Variants in NFIL3 observed in about 807,000 individuals in gnomAD.
NFIL3 encodes nuclear factor interleukin-3-regulated protein.
Under a neutral mutation model 10.0 loss-of-function variants are expected in NFIL3, and 5 were observed. The ratio of observed to expected loss-of-function variants is 0.50; its 90% confidence interval spans 0.26 to 1.06. The LOEUF (loss-of-function observed/expected upper bound fraction) is 1.06. NFIL3 is among the 50% of genes least tolerant of loss of function. NFIL3 has a pLI of 0.13. For missense variants in NFIL3, 436 were observed against 547.6 expected (o/e 0.80, Z 2.03); for synonymous variants, 202 against 206.5 (o/e 0.98, Z 0.19).
upstream of NFIL3, among the ~76,000 whole-genome samples, chr9:91,424,854 A>C (rs537039173): frequency 6.6e-6 from 1 of 152,232 alleles, no homozygotes; most frequent in Admixed American, 6.5e-5. Flanking sequence ...GCTTAGTGTT[A>C]TTTCTGCGTC....
the NFIL3 span, among the ~76,000 whole-genome samples, chr9:91,453,048 C>T: frequency 2.0e-5 from 3 of 151,998 alleles, no homozygotes; most frequent in African/African-American, 7.3e-5. Flanking sequence ...TTTACTTTCT[C>T]ACAATTCTGA....
the NFIL3 span, among the ~76,000 whole-genome samples, chr9:91,438,938 ATAATT>A: frequency 6.6e-6 from 1 of 152,222 alleles, no homozygotes; most frequent in African/African-American, 2.4e-5. Context: ...GCTTTGCAAT[ATAATT>A]TAAGATCAGA....
At chr9:91,435,954 G>A in the NFIL3 span, among the ~76,000 whole-genome samples, 1 of 152,132 alleles carries the variant, frequency 6.6e-6, no homozygotes, top group Non-Finnish European at 1.5e-5. Flanking sequence ...AAGCAACACA[G>A]ACCGATTTTG....
chr9:91,426,325 G>A (rs1201539570), upstream of NFIL3: 1 of 152,168 alleles, frequency 6.6e-6, no homozygotes, highest in African/African-American at 2.4e-5. Flanking sequence ...TAAACAACAG[G>A]ATGAAGGATC....
chr9:91,480,314 C>T, the NFIL3 span, among the ~76,000 whole-genome samples: 1 of 152,034 alleles, frequency 6.6e-6, no homozygotes, highest in African/African-American at 2.4e-5. Flanking sequence ...TTAAGTTATA[C>T]TCTAAATTAT....
the NFIL3 span, among the ~76,000 whole-genome samples, chr9:91,449,785 G>C: frequency 6.6e-6 from 1 of 151,996 alleles, no homozygotes; most frequent in African/African-American, 2.4e-5. Context: ...TTTGGTATTA[G>C]TTCTTTGAAT....
the NFIL3 span, among the ~76,000 whole-genome samples, chr9:91,449,591 A>G: frequency 0.45 from 68,135 of 151,898 alleles, 19,012 homozygotes; most frequent in African/African-American, 0.78. Flanking sequence ...TTAATGTGCC[A>G]TTCAATTTAG....
the NFIL3 span, among the ~76,000 whole-genome samples, chr9:91,439,461 T>C: frequency 1.3e-5 from 2 of 151,608 alleles, no homozygotes; most frequent in African/African-American, 2.4e-5. Flanking sequence ...ATCTGCAAAA[T>C]AGAGATACTT....
the NFIL3 span, among the ~76,000 whole-genome samples, chr9:91,455,851 T>C: frequency 1.3e-5 from 2 of 152,192 alleles, no homozygotes; most frequent in African/African-American, 4.8e-5. Flanking sequence ...CAAGGTCTGA[T>C]TGCAAAAATT....
In NFIL3 at chr9:91,409,743, G is replaced by A; in HGVS notation, c.992C>T (p.Ala331Val). The A allele has an allele frequency of 6.2e-7, 1 of 1,614,188 alleles. No homozygotes were observed. Among genetic ancestry groups the A allele is most frequent in the East Asian group, 2.2e-5 (1 of 44,882 alleles). The change falls in exon 2 of 2, where the codon GCC becomes GTC. Residue 331 changes from alanine (A) to valine (V), a missense_variant. Around this residue, in one of 3 missense-constraint regions of NFIL3, gnomAD observed 338 missense variants for 399.9 expected, o/e 0.85. Coordinates refer to ENST00000297689, the MANE Select transcript of NFIL3 (RefSeq NM_005384.3). ...TTCTACTTTGATCTGCATGGCTTTG[G>A]CTTTGATCCGGAGCTTGTGTGGCAA... The part of the protein sequence containing the change: ...SALPHKLRIK[A>V]KAMQIKVEAF...
the NFIL3 span, among the ~76,000 whole-genome samples, chr9:91,445,277 C>G: frequency 6.6e-6 from 1 of 152,158 alleles, no homozygotes; most frequent in Non-Finnish European, 1.5e-5. Flanking sequence ...AGATACCACA[C>G]AGTAGTGACT....
At chr9:91,414,666 A>G (rs1297235676) in intron 1 of NFIL3, among the ~76,000 whole-genome samples, 1 of 152,198 alleles carries the variant, frequency 6.6e-6, no homozygotes, top group Non-Finnish European at 1.5e-5. Context: ...GGTCTCTACA[A>G]CTCAATGGCA....
the NFIL3 span, among the ~76,000 whole-genome samples, chr9:91,430,275 G>A: frequency 6.6e-6 from 1 of 152,146 alleles, no homozygotes; most frequent in African/African-American, 2.4e-5. Context: ...GAGGTGGATG[G>A]GGATTAGAAT....
At chr9:91,420,724 G>A (rs1833746568) in intron 1 of NFIL3, among the ~76,000 whole-genome samples, 1 of 152,178 alleles carries the variant, frequency 6.6e-6, no homozygotes, top group Admixed American at 6.5e-5. Flanking sequence ...TGCTTCAGGA[G>A]AACATCTGTG....
chr9:91,464,820 CTT>C, the NFIL3 span, among the ~76,000 whole-genome samples: 5 of 152,124 alleles, frequency 3.3e-5, no homozygotes, highest in African/African-American at 1.2e-4. Context: ...TCTTTTGACA[CTT>C]TGAGTAATTT....
chr9:91,482,487 T>C, the NFIL3 span, among the ~76,000 whole-genome samples: 2 of 151,952 alleles, frequency 1.3e-5, no homozygotes, highest in Non-Finnish European at 2.9e-5. Flanking sequence ...GGAGTATAGA[T>C]TACTGTCTAA....
chr9:91,473,906 C>T, the NFIL3 span, among the ~76,000 whole-genome samples: 1 of 152,324 alleles, frequency 6.6e-6, no homozygotes, highest in South Asian at 2.1e-4. Flanking sequence ...CAAAGACAGT[C>T]TATTTCTTCC....
chr9:91,452,943 G>A, the NFIL3 span, among the ~76,000 whole-genome samples: 33 of 151,976 alleles, frequency 2.2e-4, no homozygotes, highest in Non-Finnish European at 4.0e-4. Flanking sequence ...TTGGGTTCAC[G>A]GCTGTAAGAA....
chr9:91,443,020 C>G, the NFIL3 span, among the ~76,000 whole-genome samples: 1 of 152,144 alleles, frequency 6.6e-6, no homozygotes, highest in Non-Finnish European at 1.5e-5. Context: ...AGACTAGCTT[C>G]ACTGAATGAC....
Sources: gnomAD v4.1 joint callset for allele counts (sites outside exome capture counted in the v4.1 genomes callset) on GRCh38, gnomAD v4.1.1 for gene constraint, gnomAD v4.1.1 regional missense constraint, MANE v1.5 for transcripts, NCBI Gene and HGNC (gene_info 2026-07-23, HGNC 2026-07-21) for gene names.